Variants in MED12L observed in about 807,000 individuals in gnomAD.
MED12L encodes the protein mediator of RNA polymerase II transcription subunit 12-like protein.
A neutral mutation model predicts 281.3 loss-of-function variants in MED12L; 60 were observed. The ratio of observed to expected loss-of-function variants is 0.21; its 90% CI spans 0.17 to 0.26. The LOEUF (loss-of-function observed/expected upper bound fraction) is 0.26. Ranked by LOEUF, MED12L falls within the 10% of genes least tolerant of loss-of-function variation. MED12L has a pLI of 1.00. For synonymous variants in MED12L, 974 were observed against 987.2 expected (o/e 0.99, Z 0.25); for missense variants, 2,146 against 2,680.9 (o/e 0.80, Z 4.41).
chr3:151,205,454 A>G, intron 16 of MED12L, among the ~76,000 whole-genome samples: 1 of 152,214 alleles, frequency 6.6e-6, no homozygotes, highest in East Asian at 1.9e-4. Context: ...GATTTTATTG[A>G]ACACAAATAC....
intron 36 of MED12L, among the ~76,000 whole-genome samples, chr3:151,385,526 A>C (rs1330905073): frequency 1.3e-5 from 2 of 152,174 alleles, no homozygotes; most frequent in South Asian, 4.1e-4. Context: ...TAGAAGCAGA[A>C]TATATTTATC....
At position 151,372,582 on chromosome 3, in the gene MED12L, G is replaced by T. The variant is rs1426448618; in HGVS notation, c.3680G>T (p.Gly1227Val). The T allele has an allele frequency of 6.2e-7, 1 of 1,613,596 alleles. No individual in the cohort carries two copies. The highest frequency in any genetic ancestry group is 1.1e-5 in the South Asian group (1 of 91,052). Residue 1227 changes from glycine to valine, a missense_variant, in exon 27 of 45, where the codon GGC (glycine) becomes GTC (valine). Transcript: ENST00000687756. The stretch of plus-strand genomic sequence containing the variant: ...TATTACTTAGGAGATGCCAAAATTG[G>T]CAATAACAGTGTCAGCTCTTTAAAG... ...AIMMLGDAKIGNNSVSSLKND... is the reference protein window; with the variant it reads ...AIMMLGDAKIVNNSVSSLKND...
At chr3:151,409,593 T>C (rs958121827) in intron 40 of MED12L, among the ~76,000 whole-genome samples, 7 of 152,200 alleles carry the variant, frequency 4.6e-5, no homozygotes, top group African/African-American at 1.4e-4. Flanking sequence ...ATTATAGATA[T>C]TGAAATACTT....
chr3:151,234,013 GGGAATT>G (rs1385874798), intron 16 of MED12L, among the ~76,000 whole-genome samples: 1 of 152,204 alleles, frequency 6.6e-6, no homozygotes, highest in East Asian at 1.9e-4. Flanking sequence ...ACTTTGGAAA[GGGAATT>G]GGAAATACTT....
intron 21 of MED12L, among the ~76,000 whole-genome samples, chr3:151,363,312 CAG>C (rs1308896895): frequency 2.6e-5 from 4 of 152,134 alleles, no homozygotes; most frequent in Non-Finnish European, 1.5e-5. Flanking sequence ...GCTGGATACA[CAG>C]AGAGATTTCT....
chr3:151,411,549 C>T (rs1433440209), intron 41 of MED12L, 42 bp downstream of exon 41: 2 of 1,554,868 alleles, frequency 1.3e-6, no homozygotes, highest in South Asian at 1.1e-5. Context: ...TGAACAGTCA[C>T]ATTCTCGGGT....
chr3:151,417,484 C>CT (rs1560144219), intron 43 of MED12L, among the ~76,000 whole-genome samples: 19 of 87,524 alleles, frequency 2.2e-4, no homozygotes, highest in African/African-American at 7.3e-4. Flanking sequence ...GCTCCCCCCC[C>CT]GCCTTTTTTT....
chr3:151,104,886 C>G (rs1228055879), intron 2 of MED12L, among the ~76,000 whole-genome samples: 1 of 152,154 alleles, frequency 6.6e-6, no homozygotes, highest in Non-Finnish European at 1.5e-5. Context: ...TACTGTCTTC[C>G]CCCTGTGTCC....
intron 16 of MED12L, chr3:151,338,282 T>C (rs1185679288): frequency 6.2e-7 from 1 of 1,614,020 alleles, no homozygotes; most frequent in Non-Finnish European, 8.5e-7. Flanking sequence ...AATTTACTAT[T>C]TCATGCCAGA....
At chr3:151,137,160 CAA>C (rs1177617265) in intron 5 of MED12L, among the ~76,000 whole-genome samples, 1 of 56,990 alleles carries the variant, frequency 1.8e-5, no homozygotes, top group Non-Finnish European at 3.5e-5. Flanking sequence ...GACTCCGTCT[CAA>C]AAAAAAAAAG....
At chr3:151,421,654 C>T (rs1718260111) in intron 43 of MED12L, among the ~76,000 whole-genome samples, 1 of 152,166 alleles carries the variant, frequency 6.6e-6, no homozygotes, top group African/African-American at 2.4e-5. Flanking sequence ...AGTGATCCAC[C>T]TGCCTGGACC....
At chr3:151,204,874 G>A (rs985671275) in intron 16 of MED12L, among the ~76,000 whole-genome samples, 2 of 152,132 alleles carry the variant, frequency 1.3e-5, no homozygotes, top group African/African-American at 4.8e-5. Flanking sequence ...AGACACAATT[G>A]AAAAGTACAA....
Position 151,360,605 on chromosome 3 carries a change from G to A in MED12L, c.2957G>A (p.Ser986Asn). 1 of 1,611,456 alleles carries A rather than the reference G, an allele frequency of 6.2e-7. No individual in the cohort carries two copies. ...AGAAGTAAATTTGGAGACCTCTTCA[G>A]GTGAGTAGAAGAGACTCAAAAGGAC... ...HLRSKFGDLF[S>N]SACSKVKQTI... The change falls in exon 21 of 45, where the codon AGT becomes AAT. Residue 986 changes from serine (S) to asparagine (N), a missense_variant and splice_region_variant. Transcript: ENST00000687756.
chr3:151,239,184 A>G (rs564907947), intron 16 of MED12L, among the ~76,000 whole-genome samples: 22 of 152,366 alleles, frequency 1.4e-4, no homozygotes, highest in African/African-American at 5.3e-4. Context: ...TTTTATCTAC[A>G]TGACCAATGT....
At chr3:151,149,561 G>A (rs1003605902) in intron 5 of MED12L, among the ~76,000 whole-genome samples, 6 of 152,150 alleles carry the variant, frequency 3.9e-5, no homozygotes, top group Admixed American at 3.3e-4. Context: ...ACTGATCTAG[G>A]TGGTGGCTGC....
intron 40 of MED12L, among the ~76,000 whole-genome samples, chr3:151,410,268 A>G (rs745346991): frequency 2.6e-5 from 4 of 152,198 alleles, no homozygotes; most frequent in Non-Finnish European, 5.9e-5. Flanking sequence ...CTGTATTCGT[A>G]TACTCTCACC....
intron 16 of MED12L, among the ~76,000 whole-genome samples, chr3:151,249,544 A>G (rs892994874): frequency 1.3e-5 from 2 of 152,086 alleles, no homozygotes; most frequent in African/African-American, 2.4e-5. Context: ...AGACTATGCT[A>G]TCTCCTCTGG....
chr3:151,116,895 G>C (rs1230946695), intron 3 of MED12L, among the ~76,000 whole-genome samples: 1 of 152,076 alleles, frequency 6.6e-6, no homozygotes, highest in African/African-American at 2.4e-5. Flanking sequence ...GCTTGGTCCG[G>C]GTGGTGTCTA....
chr3:151,403,393 G>A (rs1466240048), intron 39 of MED12L, among the ~76,000 whole-genome samples: 2 of 152,096 alleles, frequency 1.3e-5, no homozygotes, highest in Non-Finnish European at 2.9e-5. Context: ...ATCATTAGTA[G>A]AGGAATGCAT....
Sources: allele counts gnomAD v4.1 joint callset (sites outside exome capture counted in the v4.1 genomes callset), GRCh38; gene constraint gnomAD v4.1.1; transcripts MANE v1.5; gene names NCBI Gene and HGNC (gene_info 2026-07-23, HGNC 2026-07-21).